Variants in TMEM135 observed in about 807,000 individuals in gnomAD.
TMEM135 encodes transmembrane protein 135.
In TMEM135, 30 loss-of-function variants were observed where a neutral mutation model predicts 60.3. The ratio of observed to expected loss-of-function variants is 0.50; its 90% CI spans 0.37 to 0.68. The LOEUF (loss-of-function observed/expected upper bound fraction) is 0.68. Ranked by LOEUF, TMEM135 falls within the 30% of genes least tolerant of loss-of-function variation. TMEM135 has a pLI of 0.00. For missense variants in TMEM135, 468 were observed against 548.8 expected (o/e 0.85, Z 1.47); for synonymous variants, 190 against 186.7 (o/e 1.02, Z -0.14).
At chr11:87,244,533 T>G (rs2135382748) in intron 6 of TMEM135, among the ~76,000 whole-genome samples, 1 of 91,164 alleles carries the variant, frequency 1.1e-5, no homozygotes, top group South Asian at 3.5e-4. Context: ...TCAGAGCCTG[T>G]TATTGGTCTA....
chr11:87,266,045 A>T (rs779957239), intron 6 of TMEM135, among the ~76,000 whole-genome samples: 1 of 152,154 alleles, frequency 6.6e-6, no homozygotes, highest in Non-Finnish European at 1.5e-5. Flanking sequence ...CAGTAATGAA[A>T]AAGGAAATAT....
At chr11:87,197,133 G>A (rs1327615690) in intron 5 of TMEM135, among the ~76,000 whole-genome samples, 1 of 151,980 alleles carries the variant, frequency 6.6e-6, no homozygotes, top group Non-Finnish European at 1.5e-5. Flanking sequence ...AATACAAGAT[G>A]TCTGTACTAG....
At chr11:87,258,886 A>C in intron 6 of TMEM135, 1 of 1,003,512 alleles carries the variant, frequency 1.0e-6, no homozygotes, top group Non-Finnish European at 1.6e-6. Flanking sequence ...AGCCCCTTGC[A>C]TTCTTCCTGA....
chr11:87,052,998 G>A (rs1285248366), intron 1 of TMEM135, among the ~76,000 whole-genome samples: 1 of 122,300 alleles, frequency 8.2e-6, no homozygotes, highest in Non-Finnish European at 1.7e-5. Flanking sequence ...AAAATGATGA[G>A]TTCATGTCCT....
intron 4 of TMEM135, among the ~76,000 whole-genome samples, chr11:87,108,466 G>C (rs981458118): frequency 1.3e-5 from 2 of 151,754 alleles, no homozygotes; most frequent in Non-Finnish European, 2.9e-5. Flanking sequence ...TCTTAGACTA[G>C]CTAAGGGTTT....
chr11:87,064,766 C>A (rs932812515), intron 1 of TMEM135, among the ~76,000 whole-genome samples: 1 of 152,162 alleles, frequency 6.6e-6, no homozygotes, highest in African/African-American at 2.4e-5. Context: ...CGCCTGTAAT[C>A]CCTGCTACTT....
At chr11:87,055,624 C>T (rs11234932) in intron 1 of TMEM135, among the ~76,000 whole-genome samples, 13,313 of 150,054 alleles carry the variant, frequency 0.089, 648 homozygotes, top group East Asian at 0.18. Context: ...GAGTTTCGCT[C>T]TTGTTGCCTA....
At chr11:87,096,645 TGTA>T (rs1857336630) in intron 4 of TMEM135, 1 of 152,260 alleles carries the variant, frequency 6.6e-6, no homozygotes, top group South Asian at 2.1e-4. Context: ...AAAAATTTTC[TGTA>T]GTACAGTTTC....
intron 3 of TMEM135, among the ~76,000 whole-genome samples, chr11:87,073,246 T>G (rs1309447926): frequency 3.3e-5 from 5 of 151,792 alleles, no homozygotes; most frequent in African/African-American, 9.7e-5. Context: ...TGTTGGCCAG[T>G]ATGGTCTTGA....
chr11:87,225,949 C>G (rs1940756920), intron 5 of TMEM135, among the ~76,000 whole-genome samples: 1 of 152,050 alleles, frequency 6.6e-6, no homozygotes, highest in Non-Finnish European at 1.5e-5. Flanking sequence ...TTCTTTTTCT[C>G]CATGTTCATT....
intron 4 of TMEM135, among the ~76,000 whole-genome samples, chr11:87,107,063 C>A (rs140747169): frequency 3.9e-5 from 6 of 152,290 alleles, no homozygotes; most frequent in Non-Finnish European, 7.4e-5. Flanking sequence ...CCCCATGATA[C>A]AAACACTTCC....
chr11:87,183,177 C>G (rs1939562422), intron 5 of TMEM135, among the ~76,000 whole-genome samples: 1 of 121,026 alleles, frequency 8.3e-6, no homozygotes, highest in Non-Finnish European at 1.6e-5. Flanking sequence ...GAGTCTTGCT[C>G]TGTCGCCCAG....
chr11:87,192,733 G>T (rs117519984), intron 5 of TMEM135, among the ~76,000 whole-genome samples: 2 of 152,088 alleles, frequency 1.3e-5, no homozygotes, highest in African/African-American at 4.8e-5. Flanking sequence ...ATAAAGGCTG[G>T]TACAAATTCA....
intron 5 of TMEM135, among the ~76,000 whole-genome samples, chr11:87,174,509 C>T (rs1021607167): frequency 1.3e-5 from 2 of 151,890 alleles, no homozygotes; most frequent in African/African-American, 4.8e-5. Flanking sequence ...AATGATTTTT[C>T]CTTTTTAAGC....
chr11:87,104,154 T>C (rs111967969), intron 4 of TMEM135, among the ~76,000 whole-genome samples: 2,282 of 152,282 alleles, frequency 0.015, 62 homozygotes, highest in African/African-American at 0.052. Context: ...CAAGTAGATA[T>C]CCAGTTTTCC....
At chr11:87,285,998 A>G (rs647149) in intron 6 of TMEM135, among the ~76,000 whole-genome samples, 23,027 of 151,830 alleles carry the variant, frequency 0.15, 2,268 homozygotes, top group African/African-American at 0.27. Context: ...AGTCCTCACC[A>G]GATTAGCTAG....
chr11:87,165,765 A>C (rs1939022309), intron 5 of TMEM135, among the ~76,000 whole-genome samples: 1 of 151,094 alleles, frequency 6.6e-6, no homozygotes, highest in Non-Finnish European at 1.5e-5. Flanking sequence ...GGAAATAGAG[A>C]CACAAAAAAC....
chr11:87,314,085 C>T (rs1053629802), intron 11 of TMEM135, among the ~76,000 whole-genome samples: 3 of 151,748 alleles, frequency 2.0e-5, no homozygotes, highest in Admixed American at 2.0e-4. Flanking sequence ...CACTAACCAT[C>T]ATTTGAGCTA....
chr11:87,159,441 A>AT (rs1938799805), intron 5 of TMEM135, among the ~76,000 whole-genome samples: 1 of 152,126 alleles, frequency 6.6e-6, no homozygotes, highest in Admixed American at 6.6e-5. Context: ...ATAAAATAAT[A>AT]TTTTGTGGTT....
Sources: gnomAD v4.1 joint callset for allele counts (sites outside exome capture counted in the v4.1 genomes callset) on GRCh38, gnomAD v4.1.1 for gene constraint, MANE v1.5 for transcripts, NCBI Gene and HGNC (gene_info 2026-07-23, HGNC 2026-07-21) for gene names.